Variants in VSX2 observed in about 807,000 individuals in gnomAD.
The protein encoded by VSX2 is visual system homeobox 2.
Under a neutral mutation model 32.1 loss-of-function variants are expected in VSX2, and 28 were observed. The ratio of observed to expected loss-of-function variants is 0.87; its 90% CI spans 0.65 to 1.20. VSX2 has a LOEUF of 1.20. Ranked by LOEUF, VSX2 falls within the 50% of genes most tolerant of loss-of-function variation. The pLI is 0.00. For synonymous variants in VSX2, 243 were observed against 214.1 expected (o/e 1.14, Z -1.18); for missense variants, 506 against 488.7 (o/e 1.04, Z -0.33).
intron 2 of VSX2, 34 bp downstream of exon 2, chr14:74,241,300 C>A: frequency 1.3e-6 from 2 of 1,598,922 alleles, no homozygotes; most frequent in Non-Finnish European, 1.7e-6. Flanking sequence ...CTCTCCTGCC[C>A]GCGCACCCCG....
At position 74,261,140 on chromosome 14, in the gene VSX2, A is replaced by G; in HGVS notation, c.*221A>G. 1 of 579,502 alleles carries G rather than the reference A, an allele frequency of 1.7e-6. No homozygotes were observed. The highest frequency in any genetic ancestry group is 2.8e-5 in the East Asian group (1 of 35,568). 35.9% of individuals were successfully genotyped at this position (579,502 alleles called of 1,614,324 possible). A position where few individuals can be genotyped will look rare whatever the true frequency, so the allele number is the denominator to read the frequency against. ...CTAGTCTTGACCTCTCCAGCATCCC[A>G]GCCTCAGAAGCCTTCTTGCTGCCCA... On this transcript the variant is annotated 3_prime_UTR_variant, in exon 5 of 5. Coordinates refer to ENST00000261980, the MANE Select transcript of VSX2 (RefSeq NM_182894.3).
At chr14:74,258,013 T>A (rs1305968277) in intron 3 of VSX2, among the ~76,000 whole-genome samples, 1 of 151,856 alleles carries the variant, frequency 6.6e-6, no homozygotes, top group African/African-American at 2.4e-5. Flanking sequence ...CGAGCCCGCA[T>A]GCATTTCCGC....
At chr14:74,249,674 G>A (rs543087257) in intron 3 of VSX2, among the ~76,000 whole-genome samples, 6 of 152,202 alleles carry the variant, frequency 3.9e-5, no homozygotes, top group African/African-American at 1.4e-4. Flanking sequence ...AGTAAGACTG[G>A]GATTCAAACC....
intron 3 of VSX2, among the ~76,000 whole-genome samples, chr14:74,251,852 G>T (rs1331570063): frequency 6.6e-6 from 1 of 152,178 alleles, no homozygotes; most frequent in Non-Finnish European, 1.5e-5. Context: ...CGCCAGCGAT[G>T]AGCCCAAATT....
chr14:74,260,579 A>G lies in VSX2; in HGVS notation c.761-15A>G. 1 of 1,591,216 alleles carries G rather than the reference A, an allele frequency of 6.3e-7. No homozygotes were observed. Among genetic ancestry groups the G allele is most frequent in the Non-Finnish European group, 8.6e-7 (1 of 1,169,094 alleles). On this transcript the variant is annotated splice_polypyrimidine_tract_variant and intron_variant, in intron 4 of 4. Coordinates refer to ENST00000261980, the MANE Select transcript of VSX2 (RefSeq NM_182894.3). ...AGGCGCTTTTCTAAACCCGAATACC[A>G]ACAATTCTTTCTAGGGATGCACAAA...
chr14:74,242,521 G>A (rs556148001), intron 2 of VSX2, among the ~76,000 whole-genome samples: 47 of 151,792 alleles, frequency 3.1e-4, no homozygotes, highest in African/African-American at 1.1e-3. Context: ...CCGGATCTCG[G>A]TCTATTCTTT....
intron 1 of VSX2, among the ~76,000 whole-genome samples, chr14:74,240,843 C>G (rs953386821): frequency 6.6e-6 from 1 of 152,184 alleles, no homozygotes; most frequent in Non-Finnish European, 1.5e-5. Flanking sequence ...TGGGGCTGGC[C>G]GCGCAGGGCA....
chr14:74,260,645 A>AG lies in VSX2; in HGVS notation c.817dup (p.Glu273GlyfsTer73). 1 of 1,606,174 alleles carries AG rather than the reference A, an allele frequency of 6.2e-7. No homozygotes were observed. Reference sequence around the variant, plus strand: ...GCAGCCGAGTCGGGGAGGAAGCCCGAGGGGGAACGCCAGGCCCTGCCCAAG... The same window carrying AG: ...GCAGCCGAGTCGGGGAGGAAGCCCGAGGGGGGAACGCCAGGCCCTGCCCAAG... On this transcript the variant is annotated frameshift_variant, in exon 5 of 5. Transcript: ENST00000261980. LOFTEE classifies it high-confidence loss of function.
intron 3 of VSX2, among the ~76,000 whole-genome samples, chr14:74,248,905 A>G (rs1186218886): frequency 2.0e-5 from 3 of 152,024 alleles, no homozygotes; most frequent in Non-Finnish European, 4.4e-5. Flanking sequence ...GTATTCCCCC[A>G]CCACAAGCCC....
chr14:74,248,918 G>A (rs912908551), intron 3 of VSX2, among the ~76,000 whole-genome samples: 1 of 152,132 alleles, frequency 6.6e-6, no homozygotes, highest in African/African-American at 2.4e-5. Flanking sequence ...ACAAGCCCCT[G>A]GGCTGCCATT....
In VSX2 at chr14:74,261,006, C is replaced by T; in HGVS notation, c.*87C>T. ...GGGAGATGCTCTCTGAGGCAAGGCC[C>T]AGACCTGGCCTCTGCCATCCTCCCT... is the stretch of plus-strand genomic sequence containing the variant. On this transcript the variant is annotated 3_prime_UTR_variant, in exon 5 of 5. Coordinates refer to ENST00000261980, the MANE Select transcript of VSX2 (RefSeq NM_182894.3). 1.4e-6 allele frequency: 2 copies of T among 1,458,458 alleles called. No homozygotes were observed. Among genetic ancestry groups the T allele is most frequent in the Admixed American group, 2.0e-5 (1 of 49,722 alleles). 90.3% of individuals were successfully genotyped at this position (1,458,458 alleles called of 1,614,324 possible).
Position 74,261,000 on chromosome 14 carries a change from A to C in VSX2, c.*81A>C. ...GGTGCTGGGAGATGCTCTCTGAGGC[A>C]AGGCCCAGACCTGGCCTCTGCCATC... On this transcript the variant is annotated 3_prime_UTR_variant, in exon 5 of 5. Transcript: ENST00000261980. The C allele has an allele frequency of 6.7e-7, 1 of 1,490,932 alleles. No homozygotes were observed. The highest frequency in any genetic ancestry group is 9.1e-7 in the Non-Finnish European group (1 of 1,097,586). The allele number at this position is 1,490,932 out of a possible 1,614,324, so 92.4% of individuals were successfully genotyped here. A position where few individuals can be genotyped will look rare whatever the true frequency, so the allele number is the denominator to read the frequency against.
At position 74,239,559 on chromosome 14, in the gene VSX2, G is replaced by C. The variant is rs749577125; in HGVS notation, c.-3G>C. ...GGCCTCAGCCCCTCCAAAGAACAGG[G>C]AGATGACGGGGAAAGCAGGGGAAGC... On this transcript the variant is annotated 5_prime_UTR_variant, in exon 1 of 5. Coordinates refer to ENST00000261980, the MANE Select transcript of VSX2 (RefSeq NM_182894.3). 1.9e-6 allele frequency: 3 copies of C among 1,551,154 alleles called. No homozygotes were observed. Among genetic ancestry groups the C allele is most frequent in the Non-Finnish European group, 2.6e-6 (3 of 1,146,980 alleles).
At chr14:74,258,484 G>A (rs980846028) in intron 3 of VSX2, among the ~76,000 whole-genome samples, 2 of 152,090 alleles carry the variant, frequency 1.3e-5, no homozygotes, top group Non-Finnish European at 2.9e-5. Flanking sequence ...GCCCGCCTCG[G>A]TCCTCCCCTC....
chr14:74,245,037 T>C (rs1175505588), intron 2 of VSX2, 128 bp from the exon 3 acceptor site: 32 of 1,056,448 alleles, frequency 3.0e-5, no homozygotes, highest in Non-Finnish European at 4.3e-5. Flanking sequence ...AGAATTTGTG[T>C]CCTATTGTGC....
intron 3 of VSX2, among the ~76,000 whole-genome samples, chr14:74,255,092 A>G (rs1206770434): frequency 6.6e-6 from 1 of 152,006 alleles, no homozygotes; most frequent in Non-Finnish European, 1.5e-5. Flanking sequence ...AAAAGTGGAT[A>G]TTCTTATCTT....
intron 3 of VSX2, among the ~76,000 whole-genome samples, chr14:74,250,974 C>T (rs2079224542): frequency 1.3e-5 from 2 of 151,804 alleles, no homozygotes; most frequent in East Asian, 2.0e-4. Context: ...AATGCCCATG[C>T]GCTCCCCCGG....
At chr14:74,253,174 C>A (rs2079241054) in intron 3 of VSX2, among the ~76,000 whole-genome samples, 1 of 152,062 alleles carries the variant, frequency 6.6e-6, no homozygotes, top group Non-Finnish European at 1.5e-5. Flanking sequence ...GGCCCCTTTT[C>A]AGGCACCTGG....
chr14:74,240,425 C>A (rs2079141498), intron 1 of VSX2, among the ~76,000 whole-genome samples: 1 of 152,130 alleles, frequency 6.6e-6, no homozygotes, highest in African/African-American at 2.4e-5. Flanking sequence ...TTCACCCCCA[C>A]GAGCTCAGAC....
Sources: allele counts gnomAD v4.1 joint callset (sites outside exome capture counted in the v4.1 genomes callset), GRCh38; gene constraint gnomAD v4.1.1; transcripts MANE v1.5; gene names NCBI Gene and HGNC (gene_info 2026-07-23, HGNC 2026-07-21).